The following TASP1 variants were observed in gnomAD, a reference collection of about 807,000 sequenced individuals.
TASP1 encodes the protein threonine aspartase 1.
In TASP1, 16 loss-of-function variants were observed where a neutral mutation model predicts 56.6. The observed-to-expected ratio is 0.28, with a 90% CI of 0.19 to 0.43. The LOEUF (loss-of-function observed/expected upper bound fraction) is 0.43, where lower values mean the gene tolerates loss of function less well. Among genes scored for constraint, TASP1 ranks in the 20% least tolerant of loss-of-function variants. TASP1 has a pLI of 1.00. For missense variants in TASP1, 393 were observed against 511.6 expected, an observed-to-expected ratio of 0.77 and a Z score of 2.24; for synonymous variants, 179 against 184.2, an observed-to-expected ratio of 0.97 and a Z score of 0.23.
chr20:13,233,387 G>C, the TASP1 span, among the ~76,000 whole-genome samples: 1 of 152,118 alleles, frequency 6.6e-6, no homozygotes, highest in South Asian at 2.1e-4. Context: ...CCTGAGGTCG[G>C]GAGTTCGAGA....
At chr20:13,545,618 C>A (rs1017642805) in intron 8 of TASP1, among the ~76,000 whole-genome samples, 4 of 151,686 alleles carry the variant, frequency 2.6e-5, no homozygotes, top group African/African-American at 9.7e-5. Flanking sequence ...TTTGGTTTGA[C>A]CAGCAAAGTG....
the TASP1 span, chr20:13,126,785 C>G: frequency 6.3e-7 from 1 of 1,578,192 alleles, no homozygotes; most frequent in South Asian, 1.2e-5. Flanking sequence ...TTAATCTCCC[C>G]GCTTCTCAAA....
At chr20:13,306,979 T>C in the TASP1 span, among the ~76,000 whole-genome samples, 11 of 152,126 alleles carry the variant, frequency 7.2e-5, no homozygotes, top group African/African-American at 2.2e-4. Flanking sequence ...AAAGACCACA[T>C]TTGAATCCCT....
the TASP1 span, among the ~76,000 whole-genome samples, chr20:13,236,662 C>G: frequency 3.5e-4 from 53 of 152,264 alleles, no homozygotes; most frequent in Non-Finnish European, 4.9e-4. Context: ...TTCCTAGATA[C>G]AATGGGGGTA....
At chr20:13,474,480 G>A (rs1270286956) in intron 11 of TASP1, among the ~76,000 whole-genome samples, 1 of 152,230 alleles carries the variant, frequency 6.6e-6, no homozygotes, top group South Asian at 2.1e-4. Flanking sequence ...CCTTTTTATG[G>A]TTGAATAGTA....
chr20:13,583,983 G>A (rs924215661), intron 5 of TASP1, among the ~76,000 whole-genome samples: 1 of 152,128 alleles, frequency 6.6e-6, no homozygotes, highest in Non-Finnish European at 1.5e-5. Context: ...GGAGGCTGAG[G>A]CAGGAGAATC....
the TASP1 span, among the ~76,000 whole-genome samples, chr20:13,360,558 T>C: frequency 2.6e-5 from 4 of 152,142 alleles, no homozygotes; most frequent in Non-Finnish European, 5.9e-5. Context: ...TCCAAACAAC[T>C]TGACCTTACT....
rs116389983 is a variant in TASP1, at chr20:13,616,041, C to T, written c.282+7405G>A. Reference sequence around the variant, plus strand: ...AGATGTTAAGGTATAAACCTGATGCCGCAAATGACACAGATCCAAACAAAC... The same window carrying T: ...AGATGTTAAGGTATAAACCTGATGCTGCAAATGACACAGATCCAAACAAAC... On this transcript the variant is annotated intron_variant, in intron 4 of 13. Transcript: ENST00000337743. Among the ~76,000 whole-genome samples the T allele has an allele frequency of 8.1e-3, 1,228 of 151,922 alleles. 21 individuals are homozygous for T. The highest frequency in any genetic ancestry group is 0.028 in the African/African-American group (1,158 of 41,452).
chr20:13,594,070 T>C (rs544042846), intron 4 of TASP1, among the ~76,000 whole-genome samples: 14 of 152,312 alleles, frequency 9.2e-5, no homozygotes, highest in African/African-American at 2.4e-4. Flanking sequence ...CTGCTGGTGA[T>C]ACCCAGGCAA....
chr20:13,413,444 A>G (rs1312324890), intron 13 of TASP1, among the ~76,000 whole-genome samples: 1 of 152,176 alleles, frequency 6.6e-6, no homozygotes, highest in Non-Finnish European at 1.5e-5. Flanking sequence ...CTTGATTATG[A>G]AAAAGCTTAG....
At chr20:13,342,266 G>A in the TASP1 span, among the ~76,000 whole-genome samples, 3 of 152,322 alleles carry the variant, frequency 2.0e-5, no homozygotes, top group Non-Finnish European at 2.9e-5. Context: ...GGCGCATATC[G>A]CAGGCCTGGG....
the TASP1 span, among the ~76,000 whole-genome samples, chr20:13,265,741 T>C: frequency 5.3e-5 from 8 of 152,144 alleles, no homozygotes; most frequent in African/African-American, 1.9e-4. Context: ...CCTTTATAAT[T>C]TTCTGGGTCA....
intron 7 of TASP1, among the ~76,000 whole-genome samples, chr20:13,560,036 TG>T (rs2046291345): frequency 6.6e-6 from 1 of 152,176 alleles, no homozygotes; most frequent in Admixed American, 6.6e-5. Flanking sequence ...AGCAGCAAGA[TG>T]ATAAACTGAC....
chr20:13,172,518 C>CAT, the TASP1 span, among the ~76,000 whole-genome samples: 4 of 151,996 alleles, frequency 2.6e-5, no homozygotes, highest in African/African-American at 4.8e-5. Flanking sequence ...GATTTCTTTT[C>CAT]ATATATATAT....
chr20:13,461,933 T>C (rs1258577412), intron 11 of TASP1, among the ~76,000 whole-genome samples: 2 of 152,116 alleles, frequency 1.3e-5, no homozygotes, highest in African/African-American at 2.4e-5. Context: ...AGAAGCCCCA[T>C]TTTGTGGAGG....
At chr20:13,474,436 C>G (rs2044643094) in intron 11 of TASP1, among the ~76,000 whole-genome samples, 1 of 152,164 alleles carries the variant, frequency 6.6e-6, no homozygotes, top group African/African-American at 2.4e-5. Context: ...GCCTCCAGCC[C>G]CATCCAAGTT....
chr20:13,279,980 C>T, the TASP1 span: 1 of 1,331,272 alleles, frequency 7.5e-7, no homozygotes, highest in Non-Finnish European at 1.0e-6. Context: ...AAGCAAAACC[C>T]TGCTTAGAGC....
chr20:13,270,861 C>A, the TASP1 span: 1 of 920,160 alleles, frequency 1.1e-6, no homozygotes, highest in Non-Finnish European at 1.7e-6. Context: ...TTAATGATTC[C>A]TGCTTAAGAT....
intron 10 of TASP1, among the ~76,000 whole-genome samples, chr20:13,491,018 A>G (rs2043508163): frequency 6.6e-6 from 1 of 152,170 alleles, no homozygotes; most frequent in African/African-American, 2.4e-5. Context: ...TCCTTCTATT[A>G]AAGTGATTCT....
Sources: gnomAD v4.1 joint callset for allele counts (sites outside exome capture counted in the v4.1 genomes callset) on GRCh38, gnomAD v4.1.1 for gene constraint, MANE v1.5 for transcripts, NCBI Gene and HGNC (gene_info 2026-07-23, HGNC 2026-07-21) for gene names.